Variants in MORC1 observed in about 807,000 individuals in gnomAD.
MORC1 encodes MORC family CW-type zinc finger protein 1.
MORC1 carries 59 observed loss-of-function variants against 134.9 expected under a neutral mutation model. That is an observed-to-expected ratio of 0.44 (90% confidence interval 0.35 to 0.54). MORC1 has a LOEUF of 0.54. Ranked by LOEUF, MORC1 falls within the 20% of genes least tolerant of loss-of-function variation. MORC1 has a pLI of 0.00. For synonymous variants in MORC1, 395 were observed against 391.7 expected (o/e 1.01, Z -0.10); for missense variants, 947 against 1,134.5 (o/e 0.83, Z 2.37).
chr3:109,088,951 A>C (rs1053384293), intron 8 of MORC1, among the ~76,000 whole-genome samples: 5 of 152,150 alleles, frequency 3.3e-5, no homozygotes, highest in African/African-American at 4.8e-5. Flanking sequence ...TTTTTAGCAA[A>C]CTAACACAGG....
At chr3:109,093,783 C>T (rs1950774823) in intron 7 of MORC1, among the ~76,000 whole-genome samples, 2 of 152,156 alleles carry the variant, frequency 1.3e-5, no homozygotes, top group African/African-American at 2.4e-5. Context: ...CAATTCATTA[C>T]AAGTCTTTCA....
intron 27 of MORC1, among the ~76,000 whole-genome samples, chr3:108,959,893 T>C (rs1402095618): frequency 6.6e-6 from 1 of 152,138 alleles, no homozygotes; most frequent in Non-Finnish European, 1.5e-5. Flanking sequence ...AGCAAGAACA[T>C]ACATCAAATT....
intron 23 of MORC1, among the ~76,000 whole-genome samples, chr3:108,981,695 G>T (rs1415092031): frequency 2.0e-5 from 3 of 152,160 alleles, no homozygotes; most frequent in African/African-American, 7.2e-5. Context: ...TCAATGTTTA[G>T]TGTAAGTGGT....
chr3:109,044,976 C>T (rs1008059524), intron 14 of MORC1, among the ~76,000 whole-genome samples: 1 of 149,680 alleles, frequency 6.7e-6, no homozygotes, highest in South Asian at 2.1e-4. Flanking sequence ...AGAAATACAA[C>T]ATCCTCTTAG....
intron 14 of MORC1, among the ~76,000 whole-genome samples, chr3:109,047,592 C>G (rs192655070): frequency 1.2e-3 from 176 of 152,006 alleles, no homozygotes; most frequent in African/African-American, 4.1e-3. Flanking sequence ...CCTGAACCAT[C>G]TTTTTATTTG....
At chr3:109,018,489 C>G (rs1948871307) in intron 17 of MORC1, among the ~76,000 whole-genome samples, 1 of 151,908 alleles carries the variant, frequency 6.6e-6, no homozygotes, top group Admixed American at 6.6e-5. Flanking sequence ...CCCCAGAGAT[C>G]TGTTTATATT....
At chr3:109,012,431 T>A (rs1441634543) in intron 17 of MORC1, among the ~76,000 whole-genome samples, 2 of 152,224 alleles carry the variant, frequency 1.3e-5, no homozygotes, top group East Asian at 1.9e-4. Flanking sequence ...ATTCTTTGCA[T>A]GCCATATAAA....
At chr3:109,115,462 A>AC (rs1951250802) in intron 1 of MORC1, among the ~76,000 whole-genome samples, 2 of 150,150 alleles carry the variant, frequency 1.3e-5, no homozygotes, top group African/African-American at 4.9e-5. Flanking sequence ...AAGAAAAAAA[A>AC]CTACTAAAAT....
chr3:109,059,321 C>A (rs1950028227), intron 12 of MORC1, among the ~76,000 whole-genome samples: 1 of 152,074 alleles, frequency 6.6e-6, no homozygotes, highest in South Asian at 2.1e-4. Flanking sequence ...GTTTTGTTAA[C>A]ATATCCTTCC....
intron 11 of MORC1, among the ~76,000 whole-genome samples, chr3:109,061,008 A>C (rs935776495): frequency 5.3e-5 from 8 of 150,918 alleles, no homozygotes; most frequent in African/African-American, 7.3e-5. Flanking sequence ...AAAAAAAAAA[A>C]CTAAGAGAAT....
intron 8 of MORC1, among the ~76,000 whole-genome samples, chr3:109,072,520 T>C (rs2107713831): frequency 6.6e-6 from 1 of 152,328 alleles, no homozygotes; most frequent in East Asian, 1.9e-4. Flanking sequence ...TCCATGAAGC[T>C]AGCGCTCTCA....
chr3:108,997,869 A>T (rs1475073745), intron 21 of MORC1, among the ~76,000 whole-genome samples: 1 of 152,232 alleles, frequency 6.6e-6, no homozygotes, highest in African/African-American at 2.4e-5. Flanking sequence ...TGGAAAAAAA[A>T]ATCCTTTCAA....
intron 23 of MORC1, 106 bp from the exon 24 acceptor site, chr3:108,979,773 A>C: frequency 7.5e-7 from 1 of 1,336,172 alleles, no homozygotes; most frequent in Non-Finnish European, 1.0e-6. Context: ...AATGAGAACA[A>C]GAACATGCGT....
At chr3:109,008,249 GA>G (rs1948595751) in intron 17 of MORC1, among the ~76,000 whole-genome samples, 1 of 152,080 alleles carries the variant, frequency 6.6e-6, no homozygotes, top group African/African-American at 2.4e-5. Context: ...ACATTTGGGT[GA>G]ATATGTCCAT....
At chr3:108,999,006 CT>C (rs1948317504) in intron 21 of MORC1, among the ~76,000 whole-genome samples, 1 of 152,174 alleles carries the variant, frequency 6.6e-6, no homozygotes, top group Non-Finnish European at 1.5e-5. Flanking sequence ...CTCACACAGA[CT>C]TTGAAACTTC....
At position 109,022,622 on chromosome 3, in the gene MORC1, A is replaced by G. The variant is rs142260298; in HGVS notation, c.1704+5129T>C. On this transcript the variant is annotated intron_variant, in intron 17 of 27. Coordinates refer to ENST00000232603, the MANE Select transcript of MORC1 (RefSeq NM_014429.4). ...GCAGTCTCTGTACTCCAATCCAAATACAACAGTTTATTGTGACCAGGTATA... is the reference window on the plus strand; with the variant it reads ...GCAGTCTCTGTACTCCAATCCAAATGCAACAGTTTATTGTGACCAGGTATA... Among the ~76,000 whole-genome samples the G allele has an allele frequency of 4.9e-3, 747 of 152,358 alleles. 5 individuals are homozygous for G. The highest frequency in any genetic ancestry group is 0.02 in the Middle Eastern group (6 of 294).
intron 8 of MORC1, 48 bp from the exon 9 acceptor site, chr3:109,069,805 A>G (rs535047590): frequency 2.6e-6 from 4 of 1,537,634 alleles, no homozygotes; most frequent in African/African-American, 1.4e-5. Context: ...CACAACAACT[A>G]CATCTCTTTG....
At chr3:109,024,225 A>C (rs1049210697) in intron 17 of MORC1, among the ~76,000 whole-genome samples, 1 of 152,178 alleles carries the variant, frequency 6.6e-6, no homozygotes, top group African/African-American at 2.4e-5. Flanking sequence ...AGACTGCGAG[A>C]AATATGGTGC....
At chr3:109,012,119 A>G (rs949643614) in intron 17 of MORC1, among the ~76,000 whole-genome samples, 1 of 152,170 alleles carries the variant, frequency 6.6e-6, no homozygotes, top group East Asian at 1.9e-4. Flanking sequence ...ATAATGTTGT[A>G]TATGACAGGA....
Sources: allele counts gnomAD v4.1 joint callset (sites outside exome capture counted in the v4.1 genomes callset), GRCh38; gene constraint gnomAD v4.1.1; transcripts MANE v1.5; gene names NCBI Gene and HGNC (gene_info 2026-07-23, HGNC 2026-07-21).